Variants in MME observed in about 807,000 individuals in gnomAD.
MME encodes the protein neprilysin.
A neutral mutation model predicts 113.2 loss-of-function variants in MME; 98 were observed. The ratio of observed to expected loss-of-function variants is 0.87; its 90% CI spans 0.74 to 1.02. The LOEUF (loss-of-function observed/expected upper bound fraction) is 1.02, where lower values mean the gene tolerates loss of function less well. Among genes scored for constraint, MME ranks in the 50% least tolerant of loss-of-function variants. The pLI, the probability that MME is intolerant of heterozygous loss-of-function variation, is 0.00. For synonymous variants in MME, 292 were observed against 300.6 expected (o/e 0.97, Z 0.30); for missense variants, 836 against 896.0 (o/e 0.93, Z 0.86).
chr3:155,119,567 C>T (rs1299982050), intron 8 of MME, among the ~76,000 whole-genome samples: 1 of 100,042 alleles, frequency 1.0e-5, no homozygotes, highest in Non-Finnish European at 2.0e-5. Flanking sequence ...TCCCTCCCCC[C>T]TCCCCCCACC....
intron 1 of MME, among the ~76,000 whole-genome samples, chr3:155,043,552 G>A (rs943769445): frequency 6.6e-6 from 1 of 151,828 alleles, no homozygotes; most frequent in African/African-American, 2.4e-5. Context: ...GGCTGGTCTC[G>A]AACTCCCAAC....
intron 3 of MME, among the ~76,000 whole-genome samples, chr3:155,093,910 T>G (rs532668313): frequency 6.6e-6 from 1 of 151,940 alleles, no homozygotes; most frequent in Non-Finnish European, 1.5e-5. Flanking sequence ...AGAACCAAAT[T>G]TGAATTTAAC....
intron 14 of MME, among the ~76,000 whole-genome samples, chr3:155,145,390 A>C (rs995916288): frequency 8.5e-5 from 13 of 152,176 alleles, no homozygotes; most frequent in Admixed American, 8.5e-4. Context: ...GGCTTCCCTC[A>C]TCTCACCCTA....
In MME at chr3:155,142,223, T is replaced by A. The variant is rs750991929; in HGVS notation, c.1095-14T>A. ...CATCTTTTCTGTTGCTGGGCGGTGG[T>A]TTTTTTTATACAGAGATCTTCAAAA... is the stretch of plus-strand genomic sequence containing the variant. On this transcript the variant is annotated splice_polypyrimidine_tract_variant and intron_variant, in intron 11 of 22. Transcript: ENST00000360490. The A allele has an allele frequency of 6.2e-7, 1 of 1,611,264 alleles. No individual in the cohort carries two copies.
intron 1 of MME, among the ~76,000 whole-genome samples, chr3:155,052,793 C>G (rs1401959822): frequency 6.6e-6 from 1 of 152,222 alleles, no homozygotes; most frequent in Non-Finnish European, 1.5e-5. Flanking sequence ...ATTACTGCAG[C>G]AGGCTTAAAT....
At chr3:155,040,030 A>G (rs1713257385) in intron 1 of MME, among the ~76,000 whole-genome samples, 1 of 152,200 alleles carries the variant, frequency 6.6e-6, no homozygotes, top group African/African-American at 2.4e-5. Context: ...TACTGAGAGA[A>G]ACAAAGTAAG....
chr3:155,048,903 T>C (rs1361056682), intron 1 of MME, among the ~76,000 whole-genome samples: 3 of 152,142 alleles, frequency 2.0e-5, no homozygotes, highest in African/African-American at 4.8e-5. Flanking sequence ...TTTTAATCTC[T>C]GTCCCTTTCA....
intron 8 of MME, 96 bp downstream of exon 8, chr3:155,118,907 T>C (rs1017012626): frequency 3.7e-6 from 3 of 820,890 alleles, no homozygotes; most frequent in Non-Finnish European, 6.1e-6. Context: ...AATTTAGCCC[T>C]CTGATGTTTT....
At chr3:155,116,135 TA>T (rs1718578429) in intron 4 of MME, among the ~76,000 whole-genome samples, 1 of 151,990 alleles carries the variant, frequency 6.6e-6, no homozygotes, top group Non-Finnish European at 1.5e-5. Flanking sequence ...TGTTTTTTTT[TA>T]ATCTCAATTT....
At chr3:155,035,397 T>C (rs2108116342) in intron 1 of MME, among the ~76,000 whole-genome samples, 1 of 151,528 alleles carries the variant, frequency 6.6e-6, no homozygotes, top group Admixed American at 6.6e-5. Context: ...AGAGATATGA[T>C]AGGAAACAAA....
chr3:155,142,477 T>C, intron 12 of MME, 147 bp downstream of exon 12: 1 of 663,364 alleles, frequency 1.5e-6, no homozygotes. Flanking sequence ...ATTTAGGACA[T>C]GTTGCTGAGG....
chr3:155,114,254 G>A lies in MME; in HGVS notation c.197-740G>A, dbSNP rs956273466. On this transcript the variant is annotated intron_variant, in intron 3 of 22. Coordinates refer to ENST00000360490, the MANE Select transcript of MME (RefSeq NM_007289.4). ...GGTATTGGGCCATATTCTCCTCTTC[G>A]TTGGTAATAATTCCTATTTTATACA... Among the ~76,000 whole-genome samples, 7 of 152,212 alleles carry A rather than the reference G, an allele frequency of 4.6e-5. No individual in the cohort carries two copies. In the East Asian group the frequency reaches 1.2e-3, roughly 25 times the overall value.
intron 8 of MME, among the ~76,000 whole-genome samples, chr3:155,119,514 C>A (rs1398113894): frequency 2.9e-5 from 4 of 139,656 alleles, no homozygotes; most frequent in Non-Finnish European, 6.2e-5. Context: ...TGCGCTGCAC[C>A]CACTAACTCG....
chr3:155,050,007 C>T (rs751124486), intron 1 of MME, among the ~76,000 whole-genome samples: 11 of 151,998 alleles, frequency 7.2e-5, no homozygotes, highest in Non-Finnish European at 1.3e-4. Context: ...CAAGTAGACC[C>T]CAGTATCTAG....
intron 1 of MME, among the ~76,000 whole-genome samples, chr3:155,034,979 T>G (rs1316531385): frequency 6.6e-6 from 1 of 152,160 alleles, no homozygotes; most frequent in Non-Finnish European, 1.5e-5. Flanking sequence ...ATGGATTATT[T>G]ATGTTTACCA....
chr3:155,151,802 A>C (rs1248366386), intron 16 of MME, among the ~76,000 whole-genome samples: 3 of 152,152 alleles, frequency 2.0e-5, no homozygotes, highest in African/African-American at 7.2e-5. Flanking sequence ...GCTGCTATTT[A>C]AATATTACGT....
At chr3:155,093,328 A>G (rs188538767) in intron 3 of MME, among the ~76,000 whole-genome samples, 4 of 149,750 alleles carry the variant, frequency 2.7e-5, no homozygotes, top group African/African-American at 9.8e-5. Flanking sequence ...TAGTAAATCA[A>G]CTGGGAAGTT....
intron 1 of MME, among the ~76,000 whole-genome samples, chr3:155,067,377 C>A (rs1243773624): frequency 8.0e-6 from 1 of 124,452 alleles, no homozygotes; most frequent in Non-Finnish European, 1.6e-5. Flanking sequence ...GTGGCACCAT[C>A]TTGGCTCACT....
intron 1 of MME, among the ~76,000 whole-genome samples, chr3:155,042,251 T>C (rs1298010778): frequency 1.3e-5 from 2 of 152,210 alleles, no homozygotes; most frequent in Admixed American, 1.3e-4. Flanking sequence ...ATTTTTATAA[T>C]GGAATTTCTT....
Sources: allele counts gnomAD v4.1 joint callset (sites outside exome capture counted in the v4.1 genomes callset), GRCh38; gene constraint gnomAD v4.1.1; transcripts MANE v1.5; gene names NCBI Gene and HGNC (gene_info 2026-07-23, HGNC 2026-07-21).